The following USP6NL variants were observed in gnomAD, a reference collection of about 807,000 sequenced individuals.
USP6NL encodes the protein USP6 N-terminal like.
USP6NL carries 26 observed loss-of-function variants against 61.9 expected under a neutral mutation model. That is an observed-to-expected ratio of 0.42 (90% CI 0.31 to 0.58). The LOEUF is 0.58. Among genes scored for constraint, USP6NL ranks in the 20% least tolerant of loss-of-function variants. The pLI, the probability that USP6NL is intolerant of heterozygous loss-of-function variation, is 0.16. For missense variants in USP6NL, 1,114 were observed against 1,034.3 expected (o/e 1.08, Z -1.06); for synonymous variants, 432 against 390.1 (o/e 1.11, Z -1.27).
intron 2 of USP6NL, among the ~76,000 whole-genome samples, chr10:11,559,380 A>G (rs1307709846): frequency 1.3e-5 from 2 of 152,324 alleles, no homozygotes; most frequent in Non-Finnish European, 2.9e-5. Flanking sequence ...ATTTTTTAGT[A>G]CAAACAAAAC....
At chr10:11,538,075 G>C (rs1297073865) in intron 2 of USP6NL, among the ~76,000 whole-genome samples, 1 of 152,090 alleles carries the variant, frequency 6.6e-6, no homozygotes, top group Non-Finnish European at 1.5e-5. Flanking sequence ...TCTATAACTA[G>C]TAAAATATTT....
In USP6NL at chr10:11,553,682, G is replaced by C. The variant is rs980707562; in HGVS notation, c.5-26115C>G. 3.9e-5 allele frequency among the ~76,000 whole-genome samples: 6 copies of C among 152,012 alleles called. No individual in the cohort carries two copies. The highest frequency in any genetic ancestry group is 1.3e-4 in the Admixed American group (2 of 15,256). Reference sequence around the variant, plus strand: ...GGCTGAGGTGGGTGGATTATCTGAGGTCAGGAGTTAAGAGACCAGCCTGAC... The same window carrying C: ...GGCTGAGGTGGGTGGATTATCTGAGCTCAGGAGTTAAGAGACCAGCCTGAC... On this transcript the variant is annotated intron_variant, in intron 2 of 14. Transcript: ENST00000609104. This position sits in a 1 kb window ranked among gnomAD's most constrained non-coding sequence, Gnocchi z 4.8.
At chr10:11,471,616 C>T (rs1448602423) in intron 14 of USP6NL, among the ~76,000 whole-genome samples, 4 of 152,084 alleles carry the variant, frequency 2.6e-5, no homozygotes, top group Non-Finnish European at 5.9e-5. Flanking sequence ...GAAAATGTGG[C>T]ACATATACAC....
At chr10:11,514,183 T>C (rs1408426300) in intron 5 of USP6NL, among the ~76,000 whole-genome samples, 1 of 151,298 alleles carries the variant, frequency 6.6e-6, no homozygotes, top group Non-Finnish European at 1.5e-5. Flanking sequence ...TCATGTTCCT[T>C]AACAACTCTA....
Position 11,585,409 on chromosome 10 carries a change from G to A in USP6NL, c.4+12222C>T, listed in dbSNP as rs952570568. Among the ~76,000 whole-genome samples the A allele has an allele frequency of 6.6e-6, 1 of 152,196 alleles. No homozygotes were observed. The highest frequency in any genetic ancestry group is 2.4e-5 in the African/African-American group (1 of 41,442). On this transcript the variant is annotated intron_variant, in intron 2 of 14. Transcript: ENST00000609104. The surrounding 1 kb of genome is among the most constrained non-coding windows in gnomAD (Gnocchi z 4.5). ...TGTATTTGTACACCCATGGTTCACA[G>A]CAGCATAATTCGCAACAGCCAAAAG... is the stretch of plus-strand genomic sequence containing the variant.
At position 11,490,675 on chromosome 10, in the gene USP6NL, T is replaced by C. The variant is rs1423850994; in HGVS notation, c.543+157A>G. ...TCAGCTCTGTTCTAAGGCCCTAGGG[T>C]TATCACAGGGTTTCAGCTTAAAAAG... On this transcript the variant is annotated intron_variant, in intron 9 of 14. Transcript: ENST00000609104. The surrounding 1 kb of genome is among the most constrained non-coding windows in gnomAD (Gnocchi z 4.5). Among the ~76,000 whole-genome samples, 1 of 152,120 alleles carries C rather than the reference T, an allele frequency of 6.6e-6. No individual in the cohort carries two copies. Among genetic ancestry groups the C allele is most frequent in the Non-Finnish European group, 1.5e-5 (1 of 68,020 alleles).
chr10:11,516,832 C>CATTT (rs1396816628), intron 5 of USP6NL, among the ~76,000 whole-genome samples: 5 of 152,172 alleles, frequency 3.3e-5, no homozygotes, highest in African/African-American at 1.2e-4. Flanking sequence ...ATTAAGAGGT[C>CATTT]ATTTACTATA....
intron 6 of USP6NL, among the ~76,000 whole-genome samples, chr10:11,504,902 G>A (rs1834370904): frequency 6.6e-6 from 1 of 152,242 alleles, no homozygotes; most frequent in Non-Finnish European, 1.5e-5. Context: ...AGTGGTAAAA[G>A]AAGGATGGTG....
chr10:11,497,481 C>CA (rs1463495013), intron 7 of USP6NL, among the ~76,000 whole-genome samples: 1 of 151,056 alleles, frequency 6.6e-6, no homozygotes, highest in Non-Finnish European at 1.5e-5. Context: ...AACTGTTGTT[C>CA]TACAGGCTTC....
Position 11,463,036 on chromosome 10 carries a change from G to A in USP6NL, c.1892C>T (p.Ser631Phe), listed in dbSNP as rs766049154. Residue 631 changes from serine (S) to phenylalanine (F), a missense_variant, in exon 15 of 15, where the codon TCC becomes TTC. Coordinates refer to ENST00000609104, the MANE Select transcript of USP6NL (RefSeq NM_014688.5). This position sits in a 1 kb window ranked among gnomAD's most constrained non-coding sequence, Gnocchi z 6.3. ...GTGGTAAACGGGGGGATTGCTGTAGGAGGGGGGATGAGCTAGCCCTCGGGC... is the reference window on the plus strand; with the variant it reads ...GTGGTAAACGGGGGGATTGCTGTAGAAGGGGGGATGAGCTAGCCCTCGGGC... Reference protein sequence around the residue: ...GEARGLAHPPSYSNPPVYHGN... With the variant: ...GEARGLAHPPFYSNPPVYHGN... 2 of 1,613,998 alleles carry A rather than the reference G, an allele frequency of 1.2e-6. No individual in the cohort carries two copies. The highest frequency in any genetic ancestry group is 2.2e-5 in the South Asian group (2 of 91,088).
intron 2 of USP6NL, among the ~76,000 whole-genome samples, chr10:11,581,532 C>T (rs2133607056): frequency 6.6e-6 from 1 of 152,288 alleles, no homozygotes; most frequent in Middle Eastern, 3.4e-3. Flanking sequence ...CAGAATTGAA[C>T]TACTGTCATC....
chr10:11,490,801 A>G lies in USP6NL; in HGVS notation c.543+31T>C. ...TAGGGAGTACCTCAGAATACAACTC[A>G]AAGACCTTGGGCAGGCAGGCCCCAA... On this transcript the variant is annotated intron_variant, in intron 9 of 14. Transcript: ENST00000609104. This position sits in a 1 kb window ranked among gnomAD's most constrained non-coding sequence, Gnocchi z 4.5. The G allele has an allele frequency of 6.5e-7, 1 of 1,548,062 alleles. No homozygotes were observed. The highest frequency in any genetic ancestry group is 8.7e-7 in the Non-Finnish European group (1 of 1,146,384).
In USP6NL at chr10:11,462,128, T is replaced by G; in HGVS notation, c.*313A>C. On this transcript the variant is annotated 3_prime_UTR_variant, in exon 15 of 15. Coordinates refer to ENST00000609104, the MANE Select transcript of USP6NL (RefSeq NM_014688.5). ...GTCAAAATAGAATGAGCCAACAGAG[T>G]AAAAATGTTCAGGTTTTGGAGAAAA... The G allele has an allele frequency of 3.3e-6, 1 of 302,248 alleles. No individual in the cohort carries two copies. The highest frequency in any genetic ancestry group is 6.1e-6 in the Non-Finnish European group (1 of 163,372). The allele number at this position is 302,248 out of a possible 1,614,324, so 18.7% of individuals were successfully genotyped here.
chr10:11,557,926 G>A (rs537600689), intron 2 of USP6NL, among the ~76,000 whole-genome samples: 5 of 152,270 alleles, frequency 3.3e-5, no homozygotes, highest in South Asian at 2.1e-4. Flanking sequence ...AAATAGGTAT[G>A]GAGAAGAAAC....
At position 11,532,156 on chromosome 10, in the gene USP6NL, A is replaced by G; in HGVS notation, c.5-4589T>C. ...GATGAACGTTAAAAATATAAACAAC[A>G]TCAATTTTAAAAGTACTTTACCCTT... is the stretch of plus-strand genomic sequence containing the variant. On this transcript the variant is annotated intron_variant, in intron 2 of 14. Transcript: ENST00000609104. The surrounding 1 kb of genome is among the most constrained non-coding windows in gnomAD (Gnocchi z 4.1). 2.6e-6 allele frequency: 4 copies of G among 1,516,172 alleles called. No homozygotes were observed. Among genetic ancestry groups the G allele is most frequent in the Non-Finnish European group, 3.6e-6 (4 of 1,109,952 alleles). 93.9% of individuals were successfully genotyped at this position (1,516,172 alleles called of 1,614,324 possible).
At position 11,494,991 on chromosome 10, in the gene USP6NL, C is replaced by T. The variant is rs577981645; in HGVS notation, c.385-1763G>A. Among the ~76,000 whole-genome samples the T allele has an allele frequency of 2.2e-4, 34 of 151,436 alleles. 1 individual carries two copies. In the East Asian group the frequency reaches 6.0e-3, roughly 27 times the overall value. On this transcript the variant is annotated intron_variant, in intron 7 of 14. Coordinates refer to ENST00000609104, the MANE Select transcript of USP6NL (RefSeq NM_014688.5). ...GAGCAGAGTCTTCTCTAAACTCCCCCGGGGAAAGGGAGACTCCCTTTCCCT... is the reference window on the plus strand; with the variant it reads ...GAGCAGAGTCTTCTCTAAACTCCCCTGGGGAAAGGGAGACTCCCTTTCCCT...
rs1316764638 is a variant in USP6NL, at chr10:11,479,247, C to A, written c.1078+2523G>T. Among the ~76,000 whole-genome samples the A allele has an allele frequency of 3.9e-5, 6 of 152,074 alleles. No individual in the cohort carries two copies. In the East Asian group the frequency reaches 1.2e-3, roughly 29 times the overall value. On this transcript the variant is annotated intron_variant, in intron 14 of 14. Coordinates refer to ENST00000609104, the MANE Select transcript of USP6NL (RefSeq NM_014688.5). ...GGGAAAGCTGTATGGAAGGTGTCTG[C>A]AACACATAATAAACTGGCTAGCCTC...
At position 11,481,935 on chromosome 10, in the gene USP6NL, A is replaced by T; in HGVS notation, c.926-13T>A. The T allele has an allele frequency of 6.3e-7, 1 of 1,592,404 alleles. No homozygotes were observed. On this transcript the variant is annotated splice_polypyrimidine_tract_variant and intron_variant, in intron 13 of 14. Coordinates refer to ENST00000609104, the MANE Select transcript of USP6NL (RefSeq NM_014688.5). The surrounding 1 kb of genome is among the most constrained non-coding windows in gnomAD (Gnocchi z 4.4). ...TTCATTAGATGTTCTAAGAAAGGATAAGAGAAATGAAAATGCCAAGTCAAT... is the reference window on the plus strand; with the variant it reads ...TTCATTAGATGTTCTAAGAAAGGATTAGAGAAATGAAAATGCCAAGTCAAT...
intron 2 of USP6NL, among the ~76,000 whole-genome samples, chr10:11,590,250 A>G (rs1838117820): frequency 6.6e-6 from 1 of 152,154 alleles, no homozygotes; most frequent in Non-Finnish European, 1.5e-5. Flanking sequence ...AAGTCACACC[A>G]AAATACTATT....
Sources: allele counts gnomAD v4.1 joint callset (sites outside exome capture counted in the v4.1 genomes callset), GRCh38; gene constraint gnomAD v4.1.1; non-coding constraint Gnocchi (gnomAD v3.1); transcripts MANE v1.5; gene names NCBI Gene and HGNC (gene_info 2026-07-23, HGNC 2026-07-21).